Variants in CLIC5 observed in about 807,000 individuals in gnomAD.
The protein encoded by CLIC5 is chloride intracellular channel protein 5.
Under a neutral mutation model 24.7 loss-of-function variants are expected in CLIC5, and 20 were observed. That is an observed-to-expected ratio of 0.81 (90% CI 0.57 to 1.18). The LOEUF (loss-of-function observed/expected upper bound fraction) is 1.18. Among genes scored for constraint, CLIC5 ranks in the 50% most tolerant of loss-of-function variants. CLIC5 has a pLI of 0.00. For synonymous variants in CLIC5, 159 were observed against 135.6 expected, an observed-to-expected ratio of 1.17 and a Z score of -1.20; for missense variants, 341 against 326.1, an observed-to-expected ratio of 1.05 and a Z score of -0.35.
At chr6:45,910,592 G>C (rs927409739) in intron 5 of CLIC5, among the ~76,000 whole-genome samples, 6 of 152,184 alleles carry the variant, frequency 3.9e-5, no homozygotes, top group Admixed American at 6.5e-5. Flanking sequence ...TACAGTCCTT[G>C]CTTTATAATC....
intron 1 of CLIC5, among the ~76,000 whole-genome samples, chr6:46,071,628 G>A (rs1581919056): frequency 1.3e-5 from 2 of 152,260 alleles, no homozygotes; most frequent in East Asian, 1.9e-4. Flanking sequence ...CTTATACACT[G>A]TTGATTAGAG....
chr6:46,037,103 C>G lies in CLIC5; in HGVS notation c.540+42600G>C, dbSNP rs545506995. Among the ~76,000 whole-genome samples, 141 of 152,202 alleles carry G rather than the reference C, an allele frequency of 9.3e-4. 1 individual carries two copies. The highest frequency in any genetic ancestry group is 3.4e-3 in the Middle Eastern group (1 of 294). ...TGCCATGTGTCATTTCTTTTGCTTC[C>G]TTCATGCATATCCAAGGACCTTCAT... On this transcript the variant is annotated intron_variant, in intron 1 of 5. Coordinates refer to the CLIC5 transcript ENST00000185206.
intron 1 of CLIC5, among the ~76,000 whole-genome samples, chr6:45,991,972 G>A (rs1054153280): frequency 7.9e-5 from 12 of 152,102 alleles, no homozygotes; most frequent in Admixed American, 3.3e-4. Context: ...AGGGGCACTC[G>A]AAATCAAAAC....
chr6:46,055,594 A>G (rs1163704686), intron 1 of CLIC5, among the ~76,000 whole-genome samples: 2 of 152,206 alleles, frequency 1.3e-5, no homozygotes, highest in Non-Finnish European at 2.9e-5. Context: ...GTTACTTGTA[A>G]ATACAAAATC....
At chr6:45,975,393 G>A (rs7760039) in intron 1 of CLIC5, among the ~76,000 whole-genome samples, 2,449 of 152,284 alleles carry the variant, frequency 0.016, 81 homozygotes, top group African/African-American at 0.057. Context: ...TGATGCCCAC[G>A]TGGCTCCTGT....
At chr6:46,102,446 C>G in the CLIC5 span, 6 of 152,080 alleles carry the variant, frequency 3.9e-5, no homozygotes, top group Non-Finnish European at 7.4e-5. Flanking sequence ...TTATGTCCAA[C>G]TTTTATACAG....
chr6:46,040,349 G>T (rs1471714704), intron 1 of CLIC5, among the ~76,000 whole-genome samples: 5 of 152,176 alleles, frequency 3.3e-5, no homozygotes, highest in East Asian at 1.9e-4. Flanking sequence ...GCTGATCATG[G>T]TGATGGCATT....
At chr6:45,976,798 C>T (rs1765400810) in intron 1 of CLIC5, among the ~76,000 whole-genome samples, 1 of 152,152 alleles carries the variant, frequency 6.6e-6, no homozygotes, top group African/African-American at 2.4e-5. Flanking sequence ...ATGGCATAGA[C>T]CTATGAGGTT....
intron 1 of CLIC5, among the ~76,000 whole-genome samples, chr6:46,066,349 G>A (rs1057279617): frequency 2.0e-5 from 3 of 152,092 alleles, no homozygotes; most frequent in African/African-American, 7.2e-5. Flanking sequence ...GGATGCCTGA[G>A]TATGAATTTT....
intron 1 of CLIC5, among the ~76,000 whole-genome samples, chr6:46,073,420 A>G (rs1005699373): frequency 6.6e-6 from 1 of 152,242 alleles, no homozygotes; most frequent in Non-Finnish European, 1.5e-5. Context: ...ATATGAAGCC[A>G]CAGATTTAAA....
intron 3 of CLIC5, 128 bp from the exon 4 acceptor site, chr6:45,941,781 T>C (rs1764140996): frequency 1.7e-5 from 13 of 755,150 alleles, no homozygotes; most frequent in South Asian, 7.9e-5. Context: ...TGGGGGTCTT[T>C]ATCCTCATAC....
chr6:45,977,913 A>G (rs1346240071), intron 1 of CLIC5, among the ~76,000 whole-genome samples: 2 of 152,230 alleles, frequency 1.3e-5, no homozygotes, highest in Non-Finnish European at 2.9e-5. Context: ...AGGGATGCCC[A>G]GTGGGTTTCC....
rs1469442883 is a variant in CLIC5 at position 45,992,570 on chromosome 6, T to C, written c.63+22910A>G. On this transcript the variant is annotated intron_variant, in intron 1 of 5. Coordinates refer to ENST00000339561, the MANE Select transcript of CLIC5 (RefSeq NM_016929.5). ...GGGTAAACTACATAGCGTGTGTTTA[T>C]GCCTAACAGATACATATGCATCATA... 6.6e-5 allele frequency among the ~76,000 whole-genome samples: 10 copies of C among 152,310 alleles called. No homozygotes were observed. In the South Asian group the frequency reaches 2.1e-3, roughly 32 times the overall value.
chr6:46,099,788 T>C, the CLIC5 span, among the ~76,000 whole-genome samples: 20,139 of 152,192 alleles, frequency 0.13, 1,801 homozygotes, highest in South Asian at 0.33. Context: ...GAGCTGGCAT[T>C]CCCTGTGTCT....
intron 1 of CLIC5, among the ~76,000 whole-genome samples, chr6:45,969,196 G>C (rs1765113256): frequency 6.6e-6 from 1 of 152,182 alleles, no homozygotes. Context: ...GGATGAAAGA[G>C]CTTGTGGACT....
Position 45,955,336 on chromosome 6 carries a change from C to T in CLIC5, c.64-92G>A, listed in dbSNP as rs1035720063. The T allele has an allele frequency of 4.6e-6, 4 of 873,712 alleles. No individual in the cohort carries two copies. The African/African-American group carries it at 6.7e-5, about 15-fold the overall frequency. The allele number at this position is 873,712 out of a possible 1,614,324, so 54.1% of individuals were successfully genotyped here. On this transcript the variant is annotated intron_variant, in intron 1 of 5. Transcript: ENST00000339561. The stretch of plus-strand genomic sequence containing the variant: ...ACACCCAAATGCAGGTCTGAGGAGA[C>T]CTTACTAAAACCATGTCCCAGCAAC...
intron 5 of CLIC5, among the ~76,000 whole-genome samples, chr6:45,904,957 A>G (rs770970988): frequency 1.3e-5 from 2 of 151,932 alleles, no homozygotes; most frequent in African/African-American, 2.4e-5. Context: ...GCTCCTACTT[A>G]TAAGTGAGAA....
At chr6:45,960,840 C>G (rs1419676530) in intron 1 of CLIC5, among the ~76,000 whole-genome samples, 1 of 152,224 alleles carries the variant, frequency 6.6e-6, no homozygotes, top group Non-Finnish European at 1.5e-5. Context: ...CGACTCCAGA[C>G]CAGCTCTGGC....
the CLIC5 span, among the ~76,000 whole-genome samples, chr6:46,126,113 C>A: frequency 6.6e-6 from 1 of 151,796 alleles, no homozygotes; most frequent in African/African-American, 2.4e-5. Flanking sequence ...TGGGACAAAC[C>A]AAGATAGCTG....
Sources: allele counts gnomAD v4.1 joint callset (sites outside exome capture counted in the v4.1 genomes callset), GRCh38; gene constraint gnomAD v4.1.1; transcripts MANE v1.5; gene names NCBI Gene and HGNC (gene_info 2026-07-23, HGNC 2026-07-21).